Variants in CSGALNACT1 observed in about 807,000 individuals in gnomAD.
The protein encoded by CSGALNACT1 is chondroitin sulfate N-acetylgalactosaminyltransferase 1.
A neutral mutation model predicts 51.0 loss-of-function variants in CSGALNACT1; 52 were observed. That is an observed-to-expected ratio of 1.02 (90% confidence interval 0.82 to 1.29). The LOEUF (loss-of-function observed/expected upper bound fraction) is 1.29. Ranked by LOEUF, CSGALNACT1 falls within the 50% of genes most tolerant of loss-of-function variation. The pLI, the probability that CSGALNACT1 is intolerant of heterozygous loss-of-function variation, is 0.00. For missense variants in CSGALNACT1, 935 were observed against 679.2 expected (o/e 1.38, Z -4.19); for synonymous variants, 341 against 254.4 (o/e 1.34, Z -3.24).
chr8:19,409,486 C>CAT lies in CSGALNACT1; in HGVS notation c.1228-794_1228-793dup, dbSNP rs3839879. Among the ~76,000 whole-genome samples the CAT allele has an allele frequency of 2.5e-3, 369 of 147,812 alleles. 1 individual carries two copies. The highest frequency in any genetic ancestry group is 7.0e-3 in the African/African-American group (280 of 39,806). On this transcript the variant is annotated intron_variant, in intron 8 of 9. Coordinates refer to ENST00000454498, the Ensembl canonical transcript of CSGALNACT1. ...AAGGCTTTTCAAAACTGCATGTGTACATATATATATATATAGAGAGAGAGA... is the reference window on the plus strand; with the variant it reads ...AAGGCTTTTCAAAACTGCATGTGTACATATATATATATATATAGAGAGAGAGA...
chr8:19,563,098 T>C (rs994175925), intron 3 of CSGALNACT1, among the ~76,000 whole-genome samples: 1 of 151,938 alleles, frequency 6.6e-6, no homozygotes, highest in Admixed American at 6.5e-5. Flanking sequence ...TATGCAGCCA[T>C]AAAAAGAAAG....
intron 3 of CSGALNACT1, among the ~76,000 whole-genome samples, chr8:19,541,606 G>A (rs1372053706): frequency 3.2e-5 from 4 of 124,746 alleles, no homozygotes; most frequent in Non-Finnish European, 4.7e-5. Flanking sequence ...CACCACATTG[G>A]CCAGGCAGGT....
At position 19,544,584 on chromosome 8, in the gene CSGALNACT1, C is replaced by T. The variant is rs530404050; in HGVS notation, c.-296-38454G>A. ...ATTGAATGACCCTTTTGCTTTTTAACCTCTCTGGTGTTCAGAATTCTGGAG... is the reference window on the plus strand; with the variant it reads ...ATTGAATGACCCTTTTGCTTTTTAATCTCTCTGGTGTTCAGAATTCTGGAG... On this transcript the variant is annotated intron_variant, in intron 3 of 9. Coordinates refer to ENST00000454498, the Ensembl canonical transcript of CSGALNACT1. Among the ~76,000 whole-genome samples, 16 of 152,250 alleles carry T rather than the reference C, an allele frequency of 1.1e-4. No individual in the cohort carries two copies. The South Asian group carries it at 2.5e-3, about 24-fold the overall frequency.
rs35759799 is a variant in CSGALNACT1, at chr8:19,507,528, G to GAAAAAAAA, written c.-296-1406_-296-1399dup. Reference sequence around the variant, plus strand: ...TGTCTTCCCCTACCCATCTTAGCCAGAAAAAAAAAAAAAAAAAAAAAAAAG... The same window carrying GAAAAAAAA: ...TGTCTTCCCCTACCCATCTTAGCCAGAAAAAAAAAAAAAAAAAAAAAAAAAAAAAAAAG... On this transcript the variant is annotated intron_variant, in intron 3 of 9. Coordinates refer to ENST00000454498, the Ensembl canonical transcript of CSGALNACT1. Among the ~76,000 whole-genome samples, 126 of 74,848 alleles carry GAAAAAAAA rather than the reference G, an allele frequency of 1.7e-3. 6 individuals carry two copies. Among genetic ancestry groups the GAAAAAAAA allele is most frequent in the African/African-American group, 4.6e-3 (82 of 17,970 alleles). The allele number at this position is 74,848 out of a possible 152,430, so 49.1% of individuals were successfully genotyped here.
intron 5 of CSGALNACT1, among the ~76,000 whole-genome samples, chr8:19,454,548 G>A (rs2063738920): frequency 6.6e-6 from 1 of 152,170 alleles, no homozygotes; most frequent in Admixed American, 6.5e-5. Context: ...GTACATGCCT[G>A]TAATCCCAGC....
At chr8:19,582,743 A>G (rs2154123545) in intron 3 of CSGALNACT1, among the ~76,000 whole-genome samples, 1 of 152,284 alleles carries the variant, frequency 6.6e-6, no homozygotes, top group Non-Finnish European at 1.5e-5. Flanking sequence ...TAAAAAGCAA[A>G]GCCAAGCTAT....
intron 3 of CSGALNACT1, among the ~76,000 whole-genome samples, chr8:19,513,442 A>C (rs199766247): frequency 0.15 from 12,836 of 83,626 alleles, 795 homozygotes; most frequent in Middle Eastern, 0.18. Context: ...CTCTCTATAT[A>C]TATATATATA....
chr8:19,452,175 C>A (rs1345972938), intron 5 of CSGALNACT1, among the ~76,000 whole-genome samples: 1 of 152,186 alleles, frequency 6.6e-6, no homozygotes, highest in Admixed American at 6.5e-5. Context: ...TGGCTCCTGG[C>A]CCCACTGACC....
chr8:19,497,715 G>A (rs1021208929), intron 4 of CSGALNACT1, among the ~76,000 whole-genome samples: 11 of 152,000 alleles, frequency 7.2e-5, no homozygotes, highest in African/African-American at 1.7e-4. Flanking sequence ...ATAAATCCTC[G>A]GGCCTCCAAA....
chr8:19,751,673 G>T (rs1446821471), intron 1 of CSGALNACT1, among the ~76,000 whole-genome samples: 1 of 152,114 alleles, frequency 6.6e-6, no homozygotes, highest in African/African-American at 2.4e-5. Flanking sequence ...GGGCCTTGTG[G>T]GAGGTGACTG....
chr8:19,529,663 CAT>C (rs1179258832), intron 3 of CSGALNACT1, among the ~76,000 whole-genome samples: 1 of 152,176 alleles, frequency 6.6e-6, no homozygotes, highest in African/African-American at 2.4e-5. Flanking sequence ...TACACACACA[CAT>C]ACACCCACAC....
Position 19,495,499 on chromosome 8 carries a change from G to C in CSGALNACT1, c.634+9702C>G, listed in dbSNP as rs1051708401. Among the ~76,000 whole-genome samples the C allele has an allele frequency of 2.0e-5, 3 of 152,248 alleles. No homozygotes were observed. In the South Asian group the frequency reaches 6.2e-4, roughly 32 times the overall value. The stretch of plus-strand genomic sequence containing the variant: ...GAAATCCATCCACAGTTCTAACTTT[G>C]AAAGTCAGAATGACACCTCGCAGGG... On this transcript the variant is annotated intron_variant, in intron 4 of 9. Transcript: ENST00000454498.
intron 4 of CSGALNACT1, among the ~76,000 whole-genome samples, chr8:19,487,413 G>C (rs185719156): frequency 6.6e-6 from 1 of 152,188 alleles, no homozygotes; most frequent in Non-Finnish European, 1.5e-5. Flanking sequence ...CCATGACAGG[G>C]AGGTTCCAGG....
chr8:19,465,987 C>T (rs1021413175), intron 4 of CSGALNACT1, among the ~76,000 whole-genome samples: 1 of 152,210 alleles, frequency 6.6e-6, no homozygotes, highest in Non-Finnish European at 1.5e-5. Flanking sequence ...TGTAGCAAAA[C>T]TCACTGTACC....
At chr8:19,735,322 C>T (rs1294705412) in intron 1 of CSGALNACT1, among the ~76,000 whole-genome samples, 1 of 152,092 alleles carries the variant, frequency 6.6e-6, no homozygotes, top group Non-Finnish European at 1.5e-5. Flanking sequence ...CATTTTGAAA[C>T]ACCTTGGAAT....
intron 4 of CSGALNACT1, among the ~76,000 whole-genome samples, chr8:19,489,584 T>C (rs936969430): frequency 2.6e-5 from 4 of 152,186 alleles, no homozygotes; most frequent in Non-Finnish European, 5.9e-5. Flanking sequence ...ATATTAGGGC[T>C]ACAAAGTGGT....
intron 3 of CSGALNACT1, among the ~76,000 whole-genome samples, chr8:19,507,658 C>T (rs1345044957): frequency 6.6e-6 from 1 of 151,908 alleles, no homozygotes; most frequent in Non-Finnish European, 1.5e-5. Context: ...GAGACAGAGT[C>T]TCGCTCATCG....
intron 3 of CSGALNACT1, among the ~76,000 whole-genome samples, chr8:19,525,356 C>T (rs1046109043): frequency 3.3e-5 from 5 of 152,084 alleles, no homozygotes; most frequent in African/African-American, 9.6e-5. Flanking sequence ...GTAATCTCAG[C>T]ACTTTGGGAG....
chr8:19,407,760 T>C (rs1410354408), intron 9 of CSGALNACT1, among the ~76,000 whole-genome samples: 2 of 151,930 alleles, frequency 1.3e-5, no homozygotes, highest in African/African-American at 4.8e-5. Flanking sequence ...ATGTGGACAT[T>C]TGTGTATATG....
Sources: allele counts gnomAD v4.1 joint callset (sites outside exome capture counted in the v4.1 genomes callset), GRCh38; gene constraint gnomAD v4.1.1; transcripts MANE v1.5; gene names NCBI Gene and HGNC (gene_info 2026-07-23, HGNC 2026-07-21).